The following LVRN variants were observed in gnomAD, a reference collection of about 807,000 sequenced individuals.
The protein encoded by LVRN is laeverin, also known as aminopeptidase Q.
A neutral mutation model predicts 111.4 loss-of-function variants in LVRN; 99 were observed. That is an observed-to-expected ratio of 0.89 (90% CI 0.76 to 1.05). The LOEUF is 1.05. Among genes scored for constraint, LVRN ranks in the 50% least tolerant of loss-of-function variants. The pLI, the probability that LVRN is intolerant of heterozygous loss-of-function variation, is 0.00. For synonymous variants in LVRN, 488 were observed against 449.5 expected (o/e 1.09, Z -1.08); for missense variants, 1,414 against 1,206.8 (o/e 1.17, Z -2.54).
chr5:115,994,653 T>A (rs956031698), intron 6 of LVRN, among the ~76,000 whole-genome samples: 2 of 152,138 alleles, frequency 1.3e-5, no homozygotes, highest in Non-Finnish European at 2.9e-5. Flanking sequence ...TTAATTAATA[T>A]TATTGCTGAT....
At chr5:115,998,266 C>A (rs1748163659) in intron 6 of LVRN, among the ~76,000 whole-genome samples, 1 of 152,078 alleles carries the variant, frequency 6.6e-6, no homozygotes. Flanking sequence ...GGTTTGATTA[C>A]CCTGAGATAA....
intron 3 of LVRN, among the ~76,000 whole-genome samples, chr5:115,984,922 C>T (rs1747819602): frequency 6.6e-6 from 1 of 152,114 alleles, no homozygotes; most frequent in Admixed American, 6.6e-5. Context: ...GGAAAGAGTC[C>T]ATATTAAGCC....
chr5:116,001,202 C>G lies in LVRN; in HGVS notation c.1783C>G (p.Leu595Val), dbSNP rs775488269. 3.1e-6 allele frequency: 5 copies of G among 1,613,760 alleles called. No homozygotes were observed. In the South Asian group the frequency reaches 4.4e-5, roughly 14 times the overall value. ...TGVMKQEPFY[L>V]ENIKNRTLLT... The stretch of plus-strand genomic sequence containing the variant: ...CGTCATGAAACAGGAGCCATTTTAT[C>G]TTGAAAACATTAAAAATCGGACTCT... Residue 595 changes from leucine (L) to valine (V), a missense_variant, in exon 10 of 20, where the codon CTT (leucine) becomes GTT (valine). Coordinates refer to ENST00000357872, the MANE Select transcript of LVRN (RefSeq NM_173800.5).
At chr5:115,966,352 G>A (rs1207232626) in intron 1 of LVRN, among the ~76,000 whole-genome samples, 2 of 152,152 alleles carry the variant, frequency 1.3e-5, no homozygotes, top group African/African-American at 4.8e-5. Context: ...ATGCCCTTGC[G>A]ATCCATCCAA....
At chr5:115,987,493 C>A (rs1216844712) in intron 3 of LVRN, among the ~76,000 whole-genome samples, 2 of 151,844 alleles carry the variant, frequency 1.3e-5, no homozygotes, top group Admixed American at 6.6e-5. Flanking sequence ...CCAAAGTGCA[C>A]AAAATGCCTA....
intron 16 of LVRN, 61 bp from the exon 17 acceptor site, chr5:116,015,191 T>C: frequency 1.2e-6 from 1 of 836,046 alleles, no homozygotes; most frequent in Admixed American, 4.1e-5. Flanking sequence ...ACTTCTAAAA[T>C]ATGATAACCT....
intron 18 of LVRN, among the ~76,000 whole-genome samples, chr5:116,019,210 A>T (rs531349758): frequency 1.5e-3 from 222 of 152,318 alleles, no homozygotes; most frequent in African/African-American, 4.1e-3. Flanking sequence ...GTGTATTTAA[A>T]CATATCTAAA....
Position 116,010,724 on chromosome 5 carries a change from GT to G in LVRN, c.2094-12del. 1 of 1,576,690 alleles carries G rather than the reference GT, an allele frequency of 6.3e-7. No individual in the cohort carries two copies. The highest frequency in any genetic ancestry group is 8.6e-7 in the Non-Finnish European group (1 of 1,161,764). ...AAGTGAAGGTTTTTTGAGTGTGTGT[GT>G]TTTTAAATCAAACAGAAACAATTAT... On this transcript the variant is annotated splice_polypyrimidine_tract_variant and intron_variant, in intron 13 of 19. Coordinates refer to ENST00000357872, the MANE Select transcript of LVRN (RefSeq NM_173800.5).
At chr5:115,983,184 T>G in intron 1 of LVRN, 103 bp from the exon 2 acceptor site, 2 of 1,319,260 alleles carry the variant, frequency 1.5e-6, no homozygotes, top group South Asian at 3.2e-5. Context: ...GGAAATTTCC[T>G]CTAACACACC....
intron 3 of LVRN, among the ~76,000 whole-genome samples, chr5:115,986,476 G>A (rs1747868808): frequency 6.6e-6 from 1 of 152,190 alleles, no homozygotes; most frequent in Non-Finnish European, 1.5e-5. Context: ...AGCTGCCATA[G>A]AAACAACAAG....
intron 12 of LVRN, among the ~76,000 whole-genome samples, chr5:116,005,228 G>A (rs543945254): frequency 6.6e-6 from 1 of 152,346 alleles, no homozygotes; most frequent in Admixed American, 6.5e-5. Flanking sequence ...AAGAAATGCT[G>A]TGAAGATAAA....
In LVRN at chr5:115,966,666, C is replaced by A. The variant is rs187367398; in HGVS notation, c.695+3354C>A. Among the ~76,000 whole-genome samples the A allele has an allele frequency of 1.6e-3, 237 of 152,284 alleles. 1 individual carries two copies. The highest frequency in any genetic ancestry group is 4.2e-3 in the Admixed American group (64 of 15,296). Reference sequence around the variant, plus strand: ...TATTTATTTCACTGGGACAAATGTTCACAAGTGTCATTGCTGCGTCATATG... The same window carrying A: ...TATTTATTTCACTGGGACAAATGTTAACAAGTGTCATTGCTGCGTCATATG... On this transcript the variant is annotated intron_variant, in intron 1 of 19. Coordinates refer to ENST00000357872, the MANE Select transcript of LVRN (RefSeq NM_173800.5).
Position 115,971,366 on chromosome 5 carries a change from T to C in LVRN, c.695+8054T>C, listed in dbSNP as rs114919337. 5.9e-3 allele frequency among the ~76,000 whole-genome samples: 893 copies of C among 152,340 alleles called. 7 individuals carry two copies. Among genetic ancestry groups the C allele is most frequent in the African/African-American group, 0.021 (853 of 41,584 alleles). On this transcript the variant is annotated intron_variant, in intron 1 of 19. Coordinates refer to ENST00000357872, the MANE Select transcript of LVRN (RefSeq NM_173800.5). Reference sequence around the variant, plus strand: ...TTCAGTTTATCAATGTTTCCTTATATATATCAAGCTTTTGTTGTTGTATCT... The same window carrying C: ...TTCAGTTTATCAATGTTTCCTTATACATATCAAGCTTTTGTTGTTGTATCT...
At chr5:115,971,038 T>G (rs1217828327) in intron 1 of LVRN, among the ~76,000 whole-genome samples, 15 of 152,234 alleles carry the variant, frequency 9.9e-5, no homozygotes, top group Admixed American at 9.8e-4. Flanking sequence ...GCCAGACTTT[T>G]TCATTTCAGC....
At chr5:116,009,801 G>C (rs764966077) in intron 13 of LVRN, among the ~76,000 whole-genome samples, 3 of 152,188 alleles carry the variant, frequency 2.0e-5, no homozygotes, top group Non-Finnish European at 4.4e-5. Context: ...AAGGAAAGTG[G>C]ATTCTTGAGA....
chr5:115,969,606 G>A (rs1224617369), intron 1 of LVRN, among the ~76,000 whole-genome samples: 1 of 151,808 alleles, frequency 6.6e-6, no homozygotes, highest in African/African-American at 2.4e-5. Flanking sequence ...GACCATCCTG[G>A]CTAACACAGT....
intron 1 of LVRN, among the ~76,000 whole-genome samples, chr5:115,976,934 C>G (rs1755382541): frequency 6.6e-6 from 1 of 152,092 alleles, no homozygotes; most frequent in East Asian, 1.9e-4. Flanking sequence ...AGCCTTTACT[C>G]TAGGGCTACT....
chr5:115,969,724 C>T (rs1376766804), intron 1 of LVRN, among the ~76,000 whole-genome samples: 2 of 145,758 alleles, frequency 1.4e-5, no homozygotes, highest in Admixed American at 7.2e-5. Flanking sequence ...CGCTTGAACT[C>T]GGGAGGCAGA....
chr5:115,988,168 C>A (rs546011663), intron 4 of LVRN, among the ~76,000 whole-genome samples: 2 of 152,144 alleles, frequency 1.3e-5, no homozygotes, highest in Non-Finnish European at 2.9e-5. Flanking sequence ...AGCTCTCAGA[C>A]TTTTTAGGTC....
Sources: gnomAD v4.1 joint callset for allele counts (sites outside exome capture counted in the v4.1 genomes callset) on GRCh38, gnomAD v4.1.1 for gene constraint, MANE v1.5 for transcripts, NCBI Gene and HGNC (gene_info 2026-07-23, HGNC 2026-07-21) for gene names.